The following SOX6 variants were observed in gnomAD, a reference collection of about 807,000 sequenced individuals.
SOX6 encodes SRY-box transcription factor 6.
A neutral mutation model predicts 97.8 loss-of-function variants in SOX6; 11 were observed. That is an observed-to-expected ratio of 0.11 (90% CI 0.07 to 0.19). The LOEUF is 0.19. Among genes scored for constraint, SOX6 ranks in the 10% least tolerant of loss-of-function variants. SOX6 has a pLI of 1.00. For synonymous variants in SOX6, 360 were observed against 371.4 expected (o/e 0.97, Z 0.35); for missense variants, 810 against 1,039.5 (o/e 0.78, Z 3.04).
At chr11:16,643,756 G>T (rs755661813) in intron 3 of SOX6, among the ~76,000 whole-genome samples, 1 of 152,210 alleles carries the variant, frequency 6.6e-6, no homozygotes, top group Non-Finnish European at 1.5e-5. Context: ...TGCTAAGACC[G>T]TTGGAAAAGA....
At chr11:16,039,546 T>C (rs941664386) in intron 12 of SOX6, among the ~76,000 whole-genome samples, 3 of 152,064 alleles carry the variant, frequency 2.0e-5, no homozygotes, top group Admixed American at 1.3e-4. Context: ...TTCATTCTTA[T>C]TCTCTCTTGA....
chr11:16,044,652 T>C (rs972262876), intron 12 of SOX6, among the ~76,000 whole-genome samples: 1 of 152,172 alleles, frequency 6.6e-6, no homozygotes, highest in Non-Finnish European at 1.5e-5. Flanking sequence ...CAATCATAGA[T>C]ACTGATTCTA....
intron 4 of SOX6, among the ~76,000 whole-genome samples, chr11:16,192,591 A>T (rs1851660700): frequency 6.6e-6 from 1 of 152,178 alleles, no homozygotes; most frequent in Admixed American, 6.5e-5. Flanking sequence ...AAGAACTTGA[A>T]AAAAAATAAC....
intron 4 of SOX6, among the ~76,000 whole-genome samples, chr11:16,525,439 C>G (rs1217262430): frequency 2.0e-5 from 3 of 151,982 alleles, no homozygotes; most frequent in South Asian, 2.1e-4. Context: ...ATGTAGAAAG[C>G]TGAAATTGGA....
chr11:16,307,218 A>T (rs565978776), intron 3 of SOX6, among the ~76,000 whole-genome samples: 2 of 152,320 alleles, frequency 1.3e-5, no homozygotes, highest in Admixed American at 1.3e-4. Context: ...GCCAGATACC[A>T]ATGCTCCAAT....
In SOX6 at chr11:16,278,613, C is replaced by T. The variant is rs138536351; in HGVS notation, c.445+39833G>A. Among the ~76,000 whole-genome samples the T allele has an allele frequency of 4.7e-5, 7 of 149,888 alleles. No individual in the cohort carries two copies. The East Asian group carries it at 1.4e-3, about 29-fold the overall frequency. Reference sequence around the variant, plus strand: ...AGCACAAAGATTTGGGGCCCCAGAACAATAACATCAAGTTTAGAGCTTGAT... The same window carrying T: ...AGCACAAAGATTTGGGGCCCCAGAATAATAACATCAAGTTTAGAGCTTGAT... On this transcript the variant is annotated intron_variant, in intron 3 of 15. Transcript: ENST00000683767.
chr11:15,996,733 G>A (rs76813830), intron 13 of SOX6, among the ~76,000 whole-genome samples: 14,086 of 151,976 alleles, frequency 0.093, 1,352 homozygotes, highest in East Asian at 0.36. Context: ...AAGCAGAGAG[G>A]AGAAATAGAA....
chr11:16,304,787 T>G (rs1369086188), intron 3 of SOX6, among the ~76,000 whole-genome samples: 1 of 152,160 alleles, frequency 6.6e-6, no homozygotes, highest in Non-Finnish European at 1.5e-5. Flanking sequence ...ATATAGATAA[T>G]CACGTGATTT....
At chr11:16,522,149 A>C (rs1423066697) in intron 4 of SOX6, among the ~76,000 whole-genome samples, 2 of 152,142 alleles carry the variant, frequency 1.3e-5, no homozygotes, top group Non-Finnish European at 2.9e-5. Context: ...GATACTCCTC[A>C]AGAAGAGCAA....
intron 1 of SOX6, among the ~76,000 whole-genome samples, chr11:16,343,882 A>T (rs1254880326): frequency 1.3e-5 from 2 of 151,880 alleles, no homozygotes; most frequent in Non-Finnish European, 2.9e-5. Flanking sequence ...ACATATGTGT[A>T]TCAAGGTTGC....
chr11:16,597,020 T>C (rs548368112), intron 4 of SOX6, among the ~76,000 whole-genome samples: 2 of 152,262 alleles, frequency 1.3e-5, no homozygotes, highest in Non-Finnish European at 2.9e-5. Context: ...TTCTAACTTA[T>C]GACATACAAG....
At chr11:16,149,788 T>C (rs919495377) in intron 6 of SOX6, among the ~76,000 whole-genome samples, 3 of 152,200 alleles carry the variant, frequency 2.0e-5, no homozygotes, top group Non-Finnish European at 4.4e-5. Flanking sequence ...ACAAATTTTG[T>C]CTGACAATAA....
chr11:16,449,834 G>A (rs1859687609), intron 1 of SOX6, among the ~76,000 whole-genome samples: 1 of 152,110 alleles, frequency 6.6e-6, no homozygotes, highest in African/African-American at 2.4e-5. Flanking sequence ...TAGAATGGAG[G>A]TAGAAAAAGT....
intron 12 of SOX6, among the ~76,000 whole-genome samples, chr11:16,040,807 A>T (rs1855640816): frequency 6.6e-6 from 1 of 152,104 alleles, no homozygotes. Flanking sequence ...CTGTGAAACA[A>T]GGACAGTAAT....
At chr11:16,155,241 A>G (rs1850567176) in intron 6 of SOX6, among the ~76,000 whole-genome samples, 1 of 152,102 alleles carries the variant, frequency 6.6e-6, no homozygotes, top group South Asian at 2.1e-4. Flanking sequence ...AGCAGAGTGT[A>G]GTGGTTAAGA....
At chr11:16,694,796 C>T (rs1386295929) in intron 3 of SOX6, among the ~76,000 whole-genome samples, 2 of 151,980 alleles carry the variant, frequency 1.3e-5, no homozygotes, top group Non-Finnish European at 2.9e-5. Context: ...GTTCTGCATC[C>T]GTGCACTCAA....
At position 16,121,502 on chromosome 11, in the gene SOX6, G is replaced by GT. The variant is rs574879891; in HGVS notation, c.778-9580dup. ...GTGCCTTAAAGACATCTATAGCCTTGTTTTTTCAGGTAGTGGTATTAGGTT... is the reference window on the plus strand; with the variant it reads ...GTGCCTTAAAGACATCTATAGCCTTGTTTTTTTCAGGTAGTGGTATTAGGTT... On this transcript the variant is annotated intron_variant, in intron 6 of 15. Coordinates refer to ENST00000683767, the MANE Select transcript of SOX6 (RefSeq NM_001367873.1). 4.7e-3 allele frequency among the ~76,000 whole-genome samples: 711 copies of GT among 152,008 alleles called. 3 individuals carry two copies. Among genetic ancestry groups the GT allele is most frequent in the Non-Finnish European group, 8.3e-3 (561 of 67,856 alleles).
intron 1 of SOX6, among the ~76,000 whole-genome samples, chr11:16,350,069 C>T (rs762554634): frequency 2.6e-5 from 4 of 152,168 alleles, no homozygotes; most frequent in Non-Finnish European, 5.9e-5. Context: ...ACCAGGGTGA[C>T]AGTGAAATGA....
chr11:16,453,795 G>A (rs780281395), intron 1 of SOX6, among the ~76,000 whole-genome samples: 3 of 152,056 alleles, frequency 2.0e-5, no homozygotes, highest in Non-Finnish European at 4.4e-5. Context: ...AACTGCACTC[G>A]ACATCTTCAG....
Sources: gnomAD v4.1 joint callset for allele counts (sites outside exome capture counted in the v4.1 genomes callset) on GRCh38, gnomAD v4.1.1 for gene constraint, MANE v1.5 for transcripts, NCBI Gene and HGNC (gene_info 2026-07-23, HGNC 2026-07-21) for gene names.